CD244: variants seen among roughly 807,000 people sequenced by gnomAD.
CD244 encodes natural killer cell receptor 2B4.
A neutral mutation model predicts 45.5 loss-of-function variants in CD244; 20 were observed. The ratio of observed to expected loss-of-function variants is 0.44; its 90% confidence interval spans 0.31 to 0.64. CD244 has a LOEUF of 0.64. CD244 is among the 30% of genes least tolerant of loss of function. The pLI is 0.08. For missense variants in CD244, 407 were observed against 426.9 expected, an observed-to-expected ratio of 0.95 and a Z score of 0.41; for synonymous variants, 185 against 160.5, an observed-to-expected ratio of 1.15 and a Z score of -1.15.
intron 1 of CD244, 112 bp from the exon 2 acceptor site, chr1:160,842,013 G>T (rs1393757138): frequency 1.7e-5 from 13 of 770,372 alleles, no homozygotes; most frequent in African/African-American, 5.2e-5. Context: ...AGTATGAGGA[G>T]CCCAGAACCT....
In CD244 at chr1:160,836,177, G is replaced by A; in HGVS notation, c.894+18C>T. 1 of 1,604,432 alleles carries A rather than the reference G, an allele frequency of 6.2e-7. No homozygotes were observed. The highest frequency in any genetic ancestry group is 8.5e-7 in the Non-Finnish European group (1 of 1,171,106). ...CCAGAGATAGGTATGGAATGGACTA[G>A]AGAAACTGGAGAGGTACCTGGGACT... On this transcript the variant is annotated intron_variant, in intron 6 of 8. Transcript: ENST00000368034.
intron 1 of CD244, among the ~76,000 whole-genome samples, chr1:160,851,511 A>C (rs1669918472): frequency 6.6e-6 from 1 of 152,232 alleles, no homozygotes; most frequent in African/African-American, 2.4e-5. Flanking sequence ...AAACCTTGAT[A>C]TCTCCCTCAT....
At position 160,838,888 on chromosome 1, in the gene CD244, C is replaced by A. The variant is rs767832756; in HGVS notation, c.766+51G>T. The A allele has an allele frequency of 3.0e-5, 38 of 1,248,974 alleles. No individual in the cohort carries two copies. The South Asian group carries it at 4.7e-4, about 16-fold the overall frequency. 77.4% of individuals were successfully genotyped at this position (1,248,974 alleles called of 1,614,324 possible). A position where few individuals can be genotyped will look rare whatever the true frequency, so the allele number is the denominator to read the frequency against. The stretch of plus-strand genomic sequence containing the variant: ...TCCCACTGGACGCAGGACAAAGTCA[C>A]AGGATCCAAGGCCTCAGGCAGGAGC... On this transcript the variant is annotated intron_variant, in intron 4 of 8. Coordinates refer to ENST00000368034, the MANE Select transcript of CD244 (RefSeq NM_016382.4).
In CD244 at chr1:160,838,475, C is replaced by T; in HGVS notation, c.810G>A (p.Lys270=). 6.2e-7 allele frequency: 1 copy of T among 1,613,708 alleles called. No homozygotes were observed. The highest frequency in any genetic ancestry group is 8.5e-7 in the Non-Finnish European group (1 of 1,179,616). The change falls in exon 5 of 9, where the codon AAG becomes AAA. Residue 270 remains lysine (K), a synonymous_variant. Coordinates refer to ENST00000368034, the MANE Select transcript of CD244 (RefSeq NM_016382.4). ...CGTGATTTCTCCTGGTTTTCAGATC[C>T]TTGACATCTTCGTAAATTGTCAAAA... is the stretch of plus-strand genomic sequence containing the variant. The part of the protein sequence containing the change: ...KEFLTIYEDV[K]DLKTRRNHEQ...
At position 160,856,467 on chromosome 1, in the gene CD244, G is replaced by C. The variant is rs368271179; in HGVS notation, c.61+6150C>G. On this transcript the variant is annotated intron_variant, in intron 1 of 8. Coordinates refer to ENST00000368034, the MANE Select transcript of CD244 (RefSeq NM_016382.4). ...CTGGCTTTTCTGAGCTGTTTCCTCT[G>C]CTTCAATTGTCCTTCTACTTTGTAC... Among the ~76,000 whole-genome samples the C allele has an allele frequency of 5.9e-5, 9 of 152,200 alleles. No homozygotes were observed. In the South Asian group the frequency reaches 1.9e-3, roughly 32 times the overall value.
chr1:160,847,616 T>C (rs1187934534), intron 1 of CD244, among the ~76,000 whole-genome samples: 2 of 152,064 alleles, frequency 1.3e-5, no homozygotes, highest in East Asian at 3.8e-4. Context: ...AGTCAAAGAA[T>C]AAATCAAATG....
At chr1:160,845,214 T>A (rs557520068) in intron 1 of CD244, among the ~76,000 whole-genome samples, 1 of 152,060 alleles carries the variant, frequency 6.6e-6, no homozygotes, top group South Asian at 2.1e-4. Flanking sequence ...AAGAATTCAA[T>A]GAAAATTACA....
intron 4 of CD244, 35 bp downstream of exon 4, chr1:160,838,904 A>G: frequency 7.0e-7 from 1 of 1,430,222 alleles, no homozygotes; most frequent in Non-Finnish European, 9.8e-7. Flanking sequence ...CCAAGGCCTC[A>G]GGCAGGAGCA....
At chr1:160,860,043 C>A (rs1019572518) in intron 1 of CD244, among the ~76,000 whole-genome samples, 3 of 150,354 alleles carry the variant, frequency 2.0e-5, no homozygotes, top group Admixed American at 6.6e-5. Flanking sequence ...CCTGTCTCCA[C>A]CAAAAATACA....
chr1:160,855,727 T>C (rs1670081830), intron 1 of CD244, among the ~76,000 whole-genome samples: 1 of 152,146 alleles, frequency 6.6e-6, no homozygotes, highest in African/African-American at 2.4e-5. Flanking sequence ...CTCAGCAGCT[T>C]TGGGGGCCAC....
At chr1:160,842,509 G>A (rs1007367756) in intron 1 of CD244, among the ~76,000 whole-genome samples, 9 of 152,092 alleles carry the variant, frequency 5.9e-5, no homozygotes, top group Non-Finnish European at 1.3e-4. Context: ...TCCAAGCAGT[G>A]CTGAGGCAAC....
intron 5 of CD244, among the ~76,000 whole-genome samples, chr1:160,837,232 A>G (rs1669365680): frequency 6.6e-6 from 1 of 152,182 alleles, no homozygotes; most frequent in East Asian, 1.9e-4. Flanking sequence ...CTGAATCCCA[A>G]AGAGGTTTCC....
intron 6 of CD244, among the ~76,000 whole-genome samples, chr1:160,834,928 C>T (rs1184838853): frequency 6.6e-6 from 1 of 152,134 alleles, no homozygotes; most frequent in Non-Finnish European, 1.5e-5. Flanking sequence ...TCATTCTCAC[C>T]CAACACCATA....
chr1:160,832,442 T>C (rs1218864670), intron 8 of CD244, 77 bp downstream of exon 8: 2 of 859,670 alleles, frequency 2.3e-6, no homozygotes, highest in East Asian at 4.9e-5. Flanking sequence ...GATCTTTTCC[T>C]AAGTGTACCC....
chr1:160,832,428 G>T, intron 8 of CD244, 91 bp downstream of exon 8: 1 of 783,698 alleles, frequency 1.3e-6, no homozygotes, highest in Non-Finnish European at 2.1e-6. Flanking sequence ...GAGACTGTGT[G>T]AATGATCTTT....
At chr1:160,854,827 G>T (rs1479822090) in intron 1 of CD244, among the ~76,000 whole-genome samples, 1 of 152,168 alleles carries the variant, frequency 6.6e-6, no homozygotes. Context: ...AGACTGGTTT[G>T]TCTGCAAATA....
intron 5 of CD244, among the ~76,000 whole-genome samples, chr1:160,836,985 C>T (rs544049380): frequency 2.6e-5 from 4 of 152,326 alleles, no homozygotes; most frequent in African/African-American, 9.6e-5. Context: ...GGGCATCTGA[C>T]AATGTCAATA....
Position 160,841,364 on chromosome 1 carries a change from C to T in CD244, c.501G>A (p.Gly167=), listed in dbSNP as rs770911534. The part of the protein sequence containing the change: ...DGNVSYAWYR[G]SKLIQTAGNL... ...TCCCTGCTGTCTGGATCAGCTTGCT[C>T]CCTCTGTACCAAGCATAGGACACAT... is the stretch of plus-strand genomic sequence containing the variant. Residue 167 remains glycine (G), a synonymous_variant, in exon 3 of 9, where the codon GGG becomes GGA. Transcript: ENST00000368034. 6.2e-7 allele frequency: 1 copy of T among 1,614,202 alleles called. No homozygotes were observed. Among genetic ancestry groups the T allele is most frequent in the African/African-American group, 1.3e-5 (1 of 75,040 alleles).
At chr1:160,838,742 A>T in intron 4 of CD244, 197 bp downstream of exon 4, 1 of 615,738 alleles carries the variant, frequency 1.6e-6, no homozygotes, top group Non-Finnish European at 2.9e-6. Flanking sequence ...AAATCTGCGC[A>T]TTGGGATCAG....
Sources: gnomAD v4.1 joint callset for allele counts (sites outside exome capture counted in the v4.1 genomes callset) on GRCh38, gnomAD v4.1.1 for gene constraint, MANE v1.5 for transcripts, NCBI Gene and HGNC (gene_info 2026-07-23, HGNC 2026-07-21) for gene names.